Variants in ARHGEF38 observed in about 807,000 individuals in gnomAD.
The protein encoded by ARHGEF38 is Rho guanine nucleotide exchange factor (GEF) 38.
ARHGEF38 carries 79 observed loss-of-function variants against 79.9 expected under a neutral mutation model. The observed-to-expected ratio is 0.99, with a 90% CI of 0.82 to 1.19. The LOEUF is 1.19. ARHGEF38 is among the 50% of genes most tolerant of loss of function. The probability of loss-of-function intolerance (pLI) is 0.00; values close to 1 mark genes in which losing one functional copy is unlikely to be tolerated. For missense variants in ARHGEF38, 962 were observed against 907.2 expected (o/e 1.06, Z -0.78); for synonymous variants, 366 against 328.3 (o/e 1.11, Z -1.24).
Position 105,679,817 on chromosome 4 carries a change from A to T in ARHGEF38, c.*1880A>T. On this transcript the variant is annotated 3_prime_UTR_variant, in exon 14 of 14. Coordinates refer to ENST00000420470, the MANE Select transcript of ARHGEF38 (RefSeq NM_001242729.2). ...TTTACCCACGCATCCAGAGAGATGGATATAGGACTCAATATCCTGAGGAGG... is the reference window on the plus strand; with the variant it reads ...TTTACCCACGCATCCAGAGAGATGGTTATAGGACTCAATATCCTGAGGAGG... 1 of 1,228,590 alleles carries T rather than the reference A, an allele frequency of 8.1e-7. No homozygotes were observed. Among genetic ancestry groups the T allele is most frequent in the Non-Finnish European group, 1.2e-6 (1 of 834,606 alleles). 76.1% of individuals were successfully genotyped at this position (1,228,590 alleles called of 1,614,324 possible).
At chr4:105,601,710 C>T (rs1281635476) in intron 2 of ARHGEF38, among the ~76,000 whole-genome samples, 2 of 152,030 alleles carry the variant, frequency 1.3e-5, no homozygotes, top group African/African-American at 2.4e-5. Flanking sequence ...CAGGCATCAG[C>T]GGTCAGAGAA....
intron 5 of ARHGEF38, among the ~76,000 whole-genome samples, chr4:105,640,961 C>A (rs536028154): frequency 9.2e-5 from 14 of 152,148 alleles, no homozygotes; most frequent in Admixed American, 3.9e-4. Context: ...GGTGTGACTC[C>A]ATTTCTTCCA....
At chr4:105,631,994 C>T (rs1353368928) in intron 4 of ARHGEF38, among the ~76,000 whole-genome samples, 3 of 152,062 alleles carry the variant, frequency 2.0e-5, no homozygotes, top group Admixed American at 6.5e-5. Flanking sequence ...ACACCTCCCC[C>T]GTTTACTCTG....
At chr4:105,564,202 T>C (rs931678698) in intron 1 of ARHGEF38, among the ~76,000 whole-genome samples, 2 of 152,218 alleles carry the variant, frequency 1.3e-5, no homozygotes, top group African/African-American at 4.8e-5. Flanking sequence ...TAGGTTTGTT[T>C]TTCAGTATTG....
chr4:105,596,910 G>T (rs1727606921), intron 2 of ARHGEF38, among the ~76,000 whole-genome samples: 1 of 152,222 alleles, frequency 6.6e-6, no homozygotes, highest in Admixed American at 6.5e-5. Context: ...ACAGTGCATA[G>T]CGGCTCTGCA....
At chr4:105,555,773 G>T (rs1052342531) in intron 1 of ARHGEF38, among the ~76,000 whole-genome samples, 5 of 152,132 alleles carry the variant, frequency 3.3e-5, no homozygotes, top group African/African-American at 1.2e-4. Flanking sequence ...ACTCTCTGGG[G>T]AAGCAAGTTC....
intron 7 of ARHGEF38, among the ~76,000 whole-genome samples, chr4:105,650,474 T>C (rs1025867470): frequency 2.0e-5 from 3 of 152,206 alleles, no homozygotes; most frequent in South Asian, 2.1e-4. Flanking sequence ...CCAAAGCCCA[T>C]TGGAGTTATT....
At position 105,589,446 on chromosome 4, in the gene ARHGEF38, A is replaced by G; in HGVS notation, c.384+11A>G. The G allele has an allele frequency of 1.3e-6, 2 of 1,593,872 alleles. No homozygotes were observed. The highest frequency in any genetic ancestry group is 4.5e-5 in the East Asian group (2 of 44,672). On this transcript the variant is annotated intron_variant, in intron 2 of 13. Transcript: ENST00000420470. ...CTGAGAAATAAAAAGGTAAATATAT[A>G]TTTGAGATTTTTTTTTCTCTCCCAT...
At position 105,613,431 on chromosome 4, in the gene ARHGEF38, G is replaced by A. The variant is rs761887464; in HGVS notation, c.432G>A (p.Val144=). ...GCTTGTTTAGCAACATTGAGTCCGT[G>A]CATCAGATATCAGCCAAGCTGCTGT... ...VDSLFSNIES[V]HQISAKLLSL... is the part of the protein sequence containing the mutation. The change falls in exon 3 of 14, where the codon GTG becomes GTA. Residue 144 remains valine (V), a synonymous_variant. Coordinates refer to ENST00000420470, the MANE Select transcript of ARHGEF38 (RefSeq NM_001242729.2). The A allele has an allele frequency of 2.5e-6, 4 of 1,613,384 alleles. No individual in the cohort carries two copies. Among genetic ancestry groups the A allele is most frequent in the Non-Finnish European group, 3.4e-6 (4 of 1,179,504 alleles).
Position 105,677,969 on chromosome 4 carries a change from A to G in ARHGEF38, c.*32A>G. On this transcript the variant is annotated 3_prime_UTR_variant, in exon 14 of 14. Transcript: ENST00000420470. Reference sequence around the variant, plus strand: ...AAGCCTTCAACTTTTATTTTCCAGCAAGTTGTTGATTGACTACCTCATAAA... The same window carrying G: ...AAGCCTTCAACTTTTATTTTCCAGCGAGTTGTTGATTGACTACCTCATAAA... 7 of 1,466,900 alleles carry G rather than the reference A, an allele frequency of 4.8e-6. No individual in the cohort carries two copies. In the South Asian group the frequency reaches 9.4e-5, roughly 20 times the overall value. The allele number at this position is 1,466,900 out of a possible 1,614,324, so 90.9% of individuals were successfully genotyped here. A position where few individuals can be genotyped will look rare whatever the true frequency, so the allele number is the denominator to read the frequency against.
chr4:105,624,080 C>T (rs1222617426), intron 3 of ARHGEF38, among the ~76,000 whole-genome samples: 1 of 152,174 alleles, frequency 6.6e-6, no homozygotes, highest in East Asian at 1.9e-4. Flanking sequence ...GTCCAGCTCC[C>T]TTCATTGGTC....
chr4:105,594,470 C>A (rs1204846082), intron 2 of ARHGEF38, among the ~76,000 whole-genome samples: 1 of 152,154 alleles, frequency 6.6e-6, no homozygotes, highest in Admixed American at 6.5e-5. Flanking sequence ...AAATATTTTA[C>A]AACTACAGGT....
intron 13 of ARHGEF38, among the ~76,000 whole-genome samples, chr4:105,677,347 T>C (rs1419289216): frequency 6.6e-6 from 1 of 152,208 alleles, no homozygotes; most frequent in African/African-American, 2.4e-5. Context: ...TATAGTGTTA[T>C]TCCTACTACT....
At chr4:105,672,895 A>T (rs900929582) in intron 13 of ARHGEF38, among the ~76,000 whole-genome samples, 4 of 152,230 alleles carry the variant, frequency 2.6e-5, no homozygotes, top group Admixed American at 2.6e-4. Context: ...AATCCTTGCC[A>T]TGTGGCTGTC....
intron 2 of ARHGEF38, among the ~76,000 whole-genome samples, chr4:105,591,408 T>G (rs918458322): frequency 3.3e-5 from 5 of 152,142 alleles, no homozygotes; most frequent in African/African-American, 1.2e-4. Flanking sequence ...TTTCTGTATA[T>G]TTAGTAGAGA....
At chr4:105,677,612 C>G in intron 13 of ARHGEF38, 140 bp from the exon 14 acceptor site, 1 of 611,322 alleles carries the variant, frequency 1.6e-6, no homozygotes, top group Non-Finnish European at 2.5e-6. Context: ...CAAAATACAT[C>G]CAATAGAAGG....
chr4:105,577,692 A>T (rs1257134363), intron 1 of ARHGEF38, among the ~76,000 whole-genome samples: 3 of 152,008 alleles, frequency 2.0e-5, no homozygotes. Flanking sequence ...TCCATTTCCT[A>T]TAGGTTTTCT....
chr4:105,566,219 A>G, intron 1 of ARHGEF38, among the ~76,000 whole-genome samples: 1 of 152,150 alleles, frequency 6.6e-6, no homozygotes. Context: ...TTGTTTTCGC[A>G]TCTTTTTTTG....
chr4:105,655,730 A>G lies in ARHGEF38; in HGVS notation c.1233+8A>G. 2 of 1,532,830 alleles carry G rather than the reference A, an allele frequency of 1.3e-6. No individual in the cohort carries two copies. The highest frequency in any genetic ancestry group is 1.2e-5 in the South Asian group (1 of 83,056). 95.0% of individuals were successfully genotyped at this position (1,532,830 alleles called of 1,614,324 possible). On this transcript the variant is annotated splice_region_variant and intron_variant, in intron 9 of 13. Transcript: ENST00000420470. ...AATTCGTGTCATGACTTTGTAAGTT[A>G]TTTATATTCACAGATAAATGCAAAT... is the stretch of plus-strand genomic sequence containing the variant.
Sources: gnomAD v4.1 joint callset for allele counts (sites outside exome capture counted in the v4.1 genomes callset) on GRCh38, gnomAD v4.1.1 for gene constraint, MANE v1.5 for transcripts, NCBI Gene and HGNC (gene_info 2026-07-23, HGNC 2026-07-21) for gene names.